GANAB: variants seen among roughly 807,000 people sequenced by gnomAD.
GANAB encodes the protein glucosidase II alpha subunit, also known as neutral alpha-glucosidase AB.
In GANAB, 35 loss-of-function variants were observed where a neutral mutation model predicts 129.9. The observed-to-expected ratio is 0.27, with a 90% CI of 0.21 to 0.36. GANAB has a LOEUF of 0.36. Among genes scored for constraint, GANAB ranks in the 10% least tolerant of loss-of-function variants. GANAB has a pLI of 1.00. For missense variants in GANAB, 939 were observed against 1,221.0 expected, an observed-to-expected ratio of 0.77 and a Z score of 3.44; for synonymous variants, 482 against 451.8, an observed-to-expected ratio of 1.07 and a Z score of -0.85.
chr11:62,634,071 T>A, intron 5 of GANAB: 1 of 480,606 alleles, frequency 2.1e-6, no homozygotes, highest in Non-Finnish European at 3.7e-6. Context: ...CATCTCTCCA[T>A]CCCCTGGCAA....
chr11:62,629,737 T>A, intron 14 of GANAB, 53 bp from the exon 15 acceptor site: 1 of 1,604,310 alleles, frequency 6.2e-7, no homozygotes, highest in South Asian at 1.1e-5. Flanking sequence ...AGCTGTCATC[T>A]GGTGCAAGTT....
chr11:62,628,205 CTTT>C lies in GANAB; in HGVS notation c.2180+561_2180+563del, dbSNP rs58757640. Among the ~76,000 whole-genome samples the C allele has an allele frequency of 1.5e-4, 15 of 98,424 alleles. No homozygotes were observed. In the East Asian group the frequency reaches 1.9e-3, roughly 13 times the overall value. 64.6% of individuals were successfully genotyped at this position (98,424 alleles called of 152,430 possible). A position where few individuals can be genotyped will look rare whatever the true frequency, so the allele number is the denominator to read the frequency against. ...ATCTCACACAGCCTTCTTCTCAAAA[CTTT>C]TTTTTTTTTTTTTTTTTCATTTTTT... is the stretch of plus-strand genomic sequence containing the variant. On this transcript the variant is annotated intron_variant, in intron 17 of 23. Coordinates refer to ENST00000356638, the MANE Select transcript of GANAB (RefSeq NM_198334.3).
intron 5 of GANAB, 68 bp downstream of exon 5, chr11:62,634,753 G>A (rs1943860441): frequency 1.5e-6 from 2 of 1,300,786 alleles, no homozygotes; most frequent in Non-Finnish European, 1.1e-6. Context: ...TCCTCCCCGT[G>A]CCAGACCTCA....
Position 62,626,886 on chromosome 11 carries a change from G to C in GANAB, c.2371C>G (p.Leu791Val). 3.1e-6 allele frequency: 5 copies of C among 1,612,294 alleles called. No homozygotes were observed. In the South Asian group the frequency reaches 4.4e-5, roughly 14 times the overall value. Residue 791 changes from leucine (L) to valine (V), a missense_variant, in exon 20 of 24, where the codon CTG becomes GTG. This residue lies in a region of GANAB where 230 missense variants were observed against 259.9 expected (regional missense o/e 0.89). Coordinates refer to ENST00000356638, the MANE Select transcript of GANAB (RefSeq NM_198334.3). ...SYQKHHGPQT[L>V]YLPVTLSSIP... is the part of the protein sequence containing the mutation. ...CTGCTTAGAGTTACAGGCAGGTACA[G>C]GGTCTGGGGACCATGATGCTTCTGG...
chr11:62,643,730 G>C (rs1431296363), intron 1 of GANAB, among the ~76,000 whole-genome samples: 1 of 152,130 alleles, frequency 6.6e-6, no homozygotes, highest in South Asian at 2.1e-4. Context: ...GAACGAGAAT[G>C]GTTTGAGCCT....
chr11:62,630,985 C>A, intron 10 of GANAB, 45 bp downstream of exon 10: 1 of 1,572,428 alleles, frequency 6.4e-7, no homozygotes, highest in Non-Finnish European at 8.7e-7. Context: ...ATAGAATCAC[C>A]CGACAAGAAA....
intron 9 of GANAB, among the ~76,000 whole-genome samples, chr11:62,631,903 T>C (rs2956992): frequency 0.95 from 144,381 of 151,958 alleles, 69,001 homozygotes; most frequent in East Asian, 1. Context: ...AGACATGAGC[T>C]ATCATGCCCG....
chr11:62,630,181 G>C lies in GANAB; in HGVS notation c.1593+16C>G. On this transcript the variant is annotated intron_variant, in intron 13 of 23. Coordinates refer to ENST00000356638, the MANE Select transcript of GANAB (RefSeq NM_198334.3). ...GGAACAGACAGACGCAGGTCATGGG[G>C]AGAGGCCTTCCCTACCTCATAATTG... The C allele has an allele frequency of 6.3e-7, 1 of 1,583,106 alleles. No individual in the cohort carries two copies. Among genetic ancestry groups the C allele is most frequent in the Non-Finnish European group, 8.7e-7 (1 of 1,153,446 alleles).
intron 5 of GANAB, 175 bp downstream of exon 5, chr11:62,634,646 G>A: frequency 1.6e-6 from 1 of 624,402 alleles, no homozygotes; most frequent in Non-Finnish European, 2.8e-6. Flanking sequence ...GGTCTGTACA[G>A]GAAATGGAAA....
chr11:62,632,778 C>G, intron 8 of GANAB, 33 bp from the exon 9 acceptor site: 1 of 1,575,996 alleles, frequency 6.3e-7, no homozygotes, highest in Non-Finnish European at 8.7e-7. Flanking sequence ...GGGCTGCTAA[C>G]TGGCCCCAGG....
At position 62,638,580 on chromosome 11, in the gene GANAB, GAGGAAGGA is replaced by G. The variant is rs71056537; in HGVS notation, c.380+395_380+402del. On this transcript the variant is annotated intron_variant, in intron 4 of 23. Transcript: ENST00000356638. ...TCTGAATATCTAAGGAAAAGGAAAG[GAGGAAGGA>G]AGGAAGGAAGGAAGGAAGGAAGGAA... is the stretch of plus-strand genomic sequence containing the variant. 2.0e-3 allele frequency among the ~76,000 whole-genome samples: 290 copies of G among 144,156 alleles called. 1 individual carries two copies. The highest frequency in any genetic ancestry group is 7.1e-3 in the African/African-American group (270 of 38,008). 94.6% of individuals were successfully genotyped at this position (144,156 alleles called of 152,430 possible).
Position 62,632,125 on chromosome 11 carries a change from C to T in GANAB, c.996+440G>A, listed in dbSNP as rs112290400. 4.8e-3 allele frequency among the ~76,000 whole-genome samples: 734 copies of T among 151,778 alleles called. 5 individuals carry two copies. The highest frequency in any genetic ancestry group is 0.017 in the African/African-American group (705 of 41,348). ...AATAGCTGGGATTACAGGAGTCCGC[C>T]GCCACACCCTGCTAATTTTTGTTTT... On this transcript the variant is annotated intron_variant, in intron 9 of 23. Transcript: ENST00000356638.
intron 9 of GANAB, 109 bp downstream of exon 9, chr11:62,632,456 A>T: frequency 1.2e-6 from 1 of 807,894 alleles, no homozygotes; most frequent in Non-Finnish European, 2.1e-6. Context: ...CCAGGCCCAC[A>T]GCCCCTTCTT....
Position 62,629,651 on chromosome 11 carries a change from A to G in GANAB, c.1771T>C (p.Ser591Pro), listed in dbSNP as rs1565093735. Reference protein sequence around the residue: ...MATADGLRQRSGGMERPFVLA... With the variant: ...MATADGLRQRPGGMERPFVLA... Reference sequence around the variant, plus strand: ...ACAAAGGGGCGTTCCATGCCCCCAGAGCGCTGTCTCAGCCCATCAGCAGTC... The same window carrying G: ...ACAAAGGGGCGTTCCATGCCCCCAGGGCGCTGTCTCAGCCCATCAGCAGTC... Residue 591 changes from serine to proline, a missense_variant, in exon 15 of 24, where the codon TCT becomes CCT. By Grantham distance (74) the Ser-to-Pro change is moderately conservative (BLOSUM62 -1). Transcript: ENST00000356638. The G allele has an allele frequency of 6.2e-7, 1 of 1,613,610 alleles. No individual in the cohort carries two copies. Among genetic ancestry groups the G allele is most frequent in the Admixed American group, 1.7e-5 (1 of 59,958 alleles).
At chr11:62,639,131 A>C in intron 3 of GANAB, 21 bp from the exon 4 acceptor site, 1 of 1,613,088 alleles carries the variant, frequency 6.2e-7, no homozygotes, top group South Asian at 1.1e-5. Flanking sequence ...AGAGGTTTGG[A>C]TCTGGAGAAA....
chr11:62,635,688 C>T (rs902784703), intron 4 of GANAB, among the ~76,000 whole-genome samples: 4 of 151,222 alleles, frequency 2.6e-5, no homozygotes, highest in Admixed American at 2.6e-4. Context: ...CACAGTGGCA[C>T]AACCTTGGCT....
At chr11:62,639,146 A>G in intron 3 of GANAB, 36 bp from the exon 4 acceptor site, 1 of 1,611,586 alleles carries the variant, frequency 6.2e-7, no homozygotes, top group Non-Finnish European at 8.5e-7. Flanking sequence ...GAGAAAGGAA[A>G]TGGGATACAC....
In GANAB at chr11:62,627,293, C is replaced by G. The variant is rs745636112; in HGVS notation, c.2241G>C (p.Leu747Phe). The change falls in exon 18 of 24, where the codon TTG becomes TTC. Residue 747 changes from leucine (L) to phenylalanine (F), a missense_variant. By Grantham distance (22) the Leu-to-Phe change is conservative. Around this residue, in one of 5 missense-constraint regions of GANAB, gnomAD observed 230 missense variants for 259.9 expected, o/e 0.89. Coordinates refer to ENST00000356638, the MANE Select transcript of GANAB (RefSeq NM_198334.3). ...VTTFNIDDQY[L>F]LGDALLVHPV... ...CCAACTATCCTCATTTCTCACCAAG[C>G]AAGTACTGATCATCTATATTGAAGG... 1.3e-6 allele frequency: 2 copies of G among 1,568,798 alleles called. No homozygotes were observed. Among genetic ancestry groups the G allele is most frequent in the Admixed American group, 3.3e-5 (2 of 59,960 alleles).
chr11:62,639,389 G>T lies in GANAB; in HGVS notation c.222C>A (p.Leu74=). 6.2e-7 allele frequency: 1 copy of T among 1,612,338 alleles called. No homozygotes were observed. Among genetic ancestry groups the T allele is most frequent in the Non-Finnish European group, 8.5e-7 (1 of 1,178,564 alleles). ...LDSLQLGPDS[L]TVHLIHEVTK... is the part of the protein sequence containing the mutation. ...TGACCTCATGGATCAGATGGACCGT[G>T]AGGGAATCAGGACCAAGCTGTAGAG... Residue 74 remains leucine (L), a synonymous_variant, in exon 3 of 24, where the codon CTC becomes CTA. Coordinates refer to ENST00000356638, the MANE Select transcript of GANAB (RefSeq NM_198334.3).
Sources: gnomAD v4.1 joint callset for allele counts (sites outside exome capture counted in the v4.1 genomes callset) on GRCh38, gnomAD v4.1.1 for gene constraint, gnomAD v4.1.1 regional missense constraint, MANE v1.5 for transcripts, NCBI Gene and HGNC (gene_info 2026-07-23, HGNC 2026-07-21) for gene names.